The following SLC25A12 variants were observed in gnomAD, a reference collection of about 807,000 sequenced individuals.
SLC25A12 encodes the protein electrogenic aspartate/glutamate antiporter SLC25A12, mitochondrial.
Under a neutral mutation model 83.3 loss-of-function variants are expected in SLC25A12, and 32 were observed. The observed-to-expected ratio is 0.38, with a 90% CI of 0.29 to 0.52. The LOEUF (loss-of-function observed/expected upper bound fraction) is 0.52, where lower values mean the gene tolerates loss of function less well. Among genes scored for constraint, SLC25A12 ranks in the 20% least tolerant of loss-of-function variants. The probability of loss-of-function intolerance (pLI) is 0.84; values close to 1 mark genes in which losing one functional copy is unlikely to be tolerated. For synonymous variants in SLC25A12, 267 were observed against 291.1 expected (o/e 0.92, Z 0.84); for missense variants, 611 against 835.6 (o/e 0.73, Z 3.31).
chr2:171,855,973 T>C (rs762192112), intron 3 of SLC25A12, 24 bp from the exon 4 acceptor site: 2 of 1,248,928 alleles, frequency 1.6e-6, no homozygotes, highest in South Asian at 1.2e-5. Context: ...TAAAACGTCA[T>C]TGGCTGGTGA....
chr2:171,795,055 C>T (rs886742572), intron 13 of SLC25A12, among the ~76,000 whole-genome samples: 6 of 152,212 alleles, frequency 3.9e-5, no homozygotes, highest in African/African-American at 1.4e-4. Context: ...TACCCCTATT[C>T]CAATCCTGAC....
At chr2:171,883,312 T>G (rs1005191649) in intron 2 of SLC25A12, among the ~76,000 whole-genome samples, 7 of 152,196 alleles carry the variant, frequency 4.6e-5, no homozygotes, top group Admixed American at 4.6e-4. Context: ...CTAGGTGTCA[T>G]TATCCCTTCT....
chr2:171,816,449 A>C (rs118179702), intron 9 of SLC25A12, among the ~76,000 whole-genome samples: 2,841 of 152,282 alleles, frequency 0.019, 57 homozygotes, highest in Admixed American at 0.067. Flanking sequence ...GTATTTTCAC[A>C]TAACCTATGC....
At chr2:171,814,683 CTTCT>C (rs1684014031) in intron 10 of SLC25A12, among the ~76,000 whole-genome samples, 2 of 138,854 alleles carry the variant, frequency 1.4e-5, no homozygotes, top group South Asian at 4.3e-4. Flanking sequence ...CTGTTGTTTC[CTTCT>C]TTGTGTTCAT....
At chr2:171,789,395 A>AT (rs11383727) in intron 15 of SLC25A12, among the ~76,000 whole-genome samples, 4,039 of 152,038 alleles carry the variant, frequency 0.027, 170 homozygotes, top group African/African-American at 0.091. Context: ...CGCCCGGCTA[A>AT]TTTTTTGTAT....
In SLC25A12 at chr2:171,826,480, C is replaced by T. The variant is rs1365771697; in HGVS notation, c.930+318G>A. On this transcript the variant is annotated intron_variant, in intron 9 of 17. Transcript: ENST00000422440. ...AAAATTAGCCAGTTGTGGTGGTGCA[C>T]GCCTGTAATCCCAATTACTCGGGGA... Among the ~76,000 whole-genome samples, 12 of 152,104 alleles carry T rather than the reference C, an allele frequency of 7.9e-5. 1 individual carries two copies. In the South Asian group the frequency reaches 8.3e-4, roughly 11 times the overall value.
chr2:171,807,684 C>T (rs768435741), intron 13 of SLC25A12, among the ~76,000 whole-genome samples: 17 of 152,256 alleles, frequency 1.1e-4, no homozygotes, highest in Non-Finnish European at 2.2e-4. Context: ...TAGATAAGAA[C>T]CAATTACAGA....
At chr2:171,891,322 G>C (rs1369662337) in intron 2 of SLC25A12, among the ~76,000 whole-genome samples, 1 of 150,696 alleles carries the variant, frequency 6.6e-6, no homozygotes, top group South Asian at 2.1e-4. Flanking sequence ...AGTTGTCAAA[G>C]AGCTAGGGAC....
chr2:171,863,996 A>G (rs1444924573), intron 3 of SLC25A12, among the ~76,000 whole-genome samples: 4 of 152,230 alleles, frequency 2.6e-5, no homozygotes, highest in African/African-American at 9.6e-5. Context: ...ACACTGTGCA[A>G]GGTTCTATGG....
intron 2 of SLC25A12, among the ~76,000 whole-genome samples, chr2:171,872,304 T>A (rs1383844491): frequency 6.6e-6 from 1 of 151,906 alleles, no homozygotes; most frequent in Non-Finnish European, 1.5e-5. Context: ...TATATAAACA[T>A]AGGATAAAGA....
intron 5 of SLC25A12, among the ~76,000 whole-genome samples, chr2:171,840,952 C>A (rs2105892372): frequency 6.6e-6 from 1 of 152,280 alleles, no homozygotes; most frequent in East Asian, 1.9e-4. Flanking sequence ...GGCACTGTGG[C>A]AACACTGGAA....
At chr2:171,881,201 G>A (rs1441598728) in intron 2 of SLC25A12, among the ~76,000 whole-genome samples, 2 of 152,054 alleles carry the variant, frequency 1.3e-5, no homozygotes, top group Non-Finnish European at 2.9e-5. Flanking sequence ...CACCCAGGCT[G>A]GAGTGGAGTG....
At chr2:171,855,755 A>G (rs1274368007) in intron 4 of SLC25A12, 79 bp downstream of exon 4, 18 of 849,626 alleles carry the variant, frequency 2.1e-5, no homozygotes, top group Admixed American at 6.8e-5. Flanking sequence ...GCAGTAATCT[A>G]TATTAGTTAC....
intron 9 of SLC25A12, among the ~76,000 whole-genome samples, chr2:171,825,281 T>G (rs899760854): frequency 1.3e-5 from 2 of 152,234 alleles, no homozygotes; most frequent in African/African-American, 4.8e-5. Flanking sequence ...CATTTTCAAT[T>G]TACTTCAACC....
chr2:171,880,178 CA>C (rs1293355832), intron 2 of SLC25A12, among the ~76,000 whole-genome samples: 1 of 152,130 alleles, frequency 6.6e-6, no homozygotes, highest in East Asian at 1.9e-4. Context: ...ACTGGAATGA[CA>C]GATATATGGT....
At chr2:171,892,705 G>A (rs1020739085) in intron 2 of SLC25A12, among the ~76,000 whole-genome samples, 20 of 121,138 alleles carry the variant, frequency 1.7e-4, no homozygotes, top group African/African-American at 5.7e-4. Context: ...AGAATCTTAA[G>A]AGGTAACATT....
intron 8 of SLC25A12, among the ~76,000 whole-genome samples, chr2:171,832,290 C>T (rs909270862): frequency 6.6e-6 from 1 of 152,160 alleles, no homozygotes; most frequent in Admixed American, 6.5e-5. Flanking sequence ...AGTGCAACTA[C>T]CTCCACTGGA....
At chr2:171,850,826 A>G (rs1375602891) in intron 4 of SLC25A12, among the ~76,000 whole-genome samples, 1 of 152,234 alleles carries the variant, frequency 6.6e-6, no homozygotes, top group Non-Finnish European at 1.5e-5. Context: ...TACATTTTTC[A>G]TAACTACACT....
At chr2:171,894,146 C>T in intron 1 of SLC25A12, 57 bp downstream of exon 1, 1 of 1,586,414 alleles carries the variant, frequency 6.3e-7, no homozygotes. Flanking sequence ...GGGCTGCAGG[C>T]AGGGCGCTCG....
Sources: allele counts gnomAD v4.1 joint callset (sites outside exome capture counted in the v4.1 genomes callset), GRCh38; gene constraint gnomAD v4.1.1; transcripts MANE v1.5; gene names NCBI Gene and HGNC (gene_info 2026-07-23, HGNC 2026-07-21).